Variants in ZDHHC17 observed in about 807,000 individuals in gnomAD.
The protein encoded by ZDHHC17 is zDHHC palmitoyltransferase 17, also known as palmitoyltransferase ZDHHC17.
A neutral mutation model predicts 90.3 loss-of-function variants in ZDHHC17; 40 were observed. That is an observed-to-expected ratio of 0.44 (90% CI 0.34 to 0.58). The LOEUF (loss-of-function observed/expected upper bound fraction) is 0.58. ZDHHC17 is among the 20% of genes least tolerant of loss of function. ZDHHC17 has a pLI of 0.01. For missense variants in ZDHHC17, 614 were observed against 780.8 expected, an observed-to-expected ratio of 0.79 and a Z score of 2.55; for synonymous variants, 235 against 252.4, an observed-to-expected ratio of 0.93 and a Z score of 0.65.
rs1952649426 is a variant in ZDHHC17, at chr12:76,783,397, GA to G, written c.94-14036del. 2.0e-5 allele frequency among the ~76,000 whole-genome samples: 3 copies of G among 152,204 alleles called. No homozygotes were observed. In the South Asian group the frequency reaches 6.2e-4, roughly 31 times the overall value. On this transcript the variant is annotated intron_variant, in intron 1 of 16. Coordinates refer to ENST00000426126, the MANE Select transcript of ZDHHC17 (RefSeq NM_015336.4). ...TCTTACATGGTGGCAGGAAAGAGGAGAGGGGTACGTGAAGGAGGAACTATCA... is the reference window on the plus strand; with the variant it reads ...TCTTACATGGTGGCAGGAAAGAGGAGGGGGTACGTGAAGGAGGAACTATCA...
intron 10 of ZDHHC17, among the ~76,000 whole-genome samples, chr12:76,830,868 C>T (rs1953291456): frequency 8.1e-6 from 1 of 122,776 alleles, no homozygotes; most frequent in Non-Finnish European, 1.7e-5. Context: ...AGTAAAATTT[C>T]ATTTTTTTCC....
intron 1 of ZDHHC17, among the ~76,000 whole-genome samples, chr12:76,780,942 A>G (rs1952616140): frequency 2.0e-5 from 3 of 151,820 alleles, no homozygotes; most frequent in African/African-American, 7.3e-5. Context: ...CCTGGCTAAC[A>G]CAGTGAAACA....
At chr12:76,787,642 G>A (rs201532271) in intron 1 of ZDHHC17, among the ~76,000 whole-genome samples, 1 of 137,146 alleles carries the variant, frequency 7.3e-6, no homozygotes, top group African/African-American at 2.7e-5. Flanking sequence ...CTCTCTCTCT[G>A]TCTCTTGTGT....
intron 9 of ZDHHC17, 90 bp downstream of exon 9, chr12:76,827,140 C>A: frequency 7.6e-7 from 1 of 1,318,002 alleles, no homozygotes; most frequent in Non-Finnish European, 1.0e-6. Flanking sequence ...GTATGTTGTA[C>A]ATTTGATCTT....
At position 76,815,909 on chromosome 12, in the gene ZDHHC17, G is replaced by A. The variant is rs759950035; in HGVS notation, c.661G>A (p.Asp221Asn). The A allele has an allele frequency of 1.3e-6, 2 of 1,578,506 alleles. No homozygotes were observed. The highest frequency in any genetic ancestry group is 1.7e-6 in the Non-Finnish European group (2 of 1,160,724). Residue 221 changes from aspartate to asparagine, a missense_variant, in exon 7 of 17, where the codon GAC (aspartate) becomes AAC (asparagine). This residue lies in a region of ZDHHC17 where 358 missense variants were observed against 380.4 expected (regional missense o/e 0.94). Coordinates refer to ENST00000426126, the MANE Select transcript of ZDHHC17 (RefSeq NM_015336.4). Reference protein sequence around the residue: ...LTFNVSVNLGDKYHKNTALHW... With the variant: ...LTFNVSVNLGNKYHKNTALHW... ...ATTCAATGTTTCAGTTAACCTTGGT[G>A]ACAAGTATCACAAAAACACTGCTCT...
intron 1 of ZDHHC17, among the ~76,000 whole-genome samples, chr12:76,780,020 G>C (rs1488555591): frequency 6.6e-6 from 1 of 151,998 alleles, no homozygotes; most frequent in Non-Finnish European, 1.5e-5. Context: ...GTATTCCTCA[G>C]CCAATACTAC....
At chr12:76,775,676 TC>T (rs1331040029) in intron 1 of ZDHHC17, among the ~76,000 whole-genome samples, 1 of 152,186 alleles carries the variant, frequency 6.6e-6, no homozygotes, top group Non-Finnish European at 1.5e-5. Flanking sequence ...ATCAATAGCA[TC>T]TTTTGATTTT....
intron 5 of ZDHHC17, among the ~76,000 whole-genome samples, chr12:76,814,570 A>G (rs1953061992): frequency 6.6e-6 from 1 of 151,930 alleles, no homozygotes. Context: ...CAATTCAAAC[A>G]TCTTATTTAA....
At chr12:76,790,501 CTAAA>C (rs1952748252) in intron 1 of ZDHHC17, among the ~76,000 whole-genome samples, 1 of 151,912 alleles carries the variant, frequency 6.6e-6, no homozygotes, top group Non-Finnish European at 1.5e-5. Context: ...GACTCTGTCT[CTAAA>C]TAAATAAATA....
Position 76,813,677 on chromosome 12 carries a change from A to G in ZDHHC17, c.544-1469A>G, listed in dbSNP as rs144291171. 5.8e-3 allele frequency among the ~76,000 whole-genome samples: 882 copies of G among 152,200 alleles called. 10 individuals are homozygous for G. The highest frequency in any genetic ancestry group is 0.021 in the African/African-American group (859 of 41,548). ...TGGTGAATTAGGTAACACAACTTGG[A>G]TTAGAACTGCTTGCTTAATGTAATT... On this transcript the variant is annotated intron_variant, in intron 5 of 16. Coordinates refer to ENST00000426126, the MANE Select transcript of ZDHHC17 (RefSeq NM_015336.4).
intron 6 of ZDHHC17, 49 bp downstream of exon 6, chr12:76,815,259 A>C: frequency 7.7e-7 from 1 of 1,302,372 alleles, no homozygotes; most frequent in Non-Finnish European, 1.1e-6. Flanking sequence ...AGCATAATAC[A>C]ATATGAAGTA....
intron 8 of ZDHHC17, among the ~76,000 whole-genome samples, chr12:76,823,294 T>C (rs1178931764): frequency 1.3e-5 from 2 of 152,246 alleles, no homozygotes; most frequent in Non-Finnish European, 2.9e-5. Context: ...TTTTGTGATA[T>C]GTTGTATACC....
intron 10 of ZDHHC17, among the ~76,000 whole-genome samples, chr12:76,828,837 CAT>C (rs1953261995): frequency 6.6e-6 from 1 of 151,910 alleles, no homozygotes. Context: ...TCAGGGGTTA[CAT>C]GTGAAGGTTT....
At chr12:76,784,655 T>TA (rs1395012900) in intron 1 of ZDHHC17, among the ~76,000 whole-genome samples, 1 of 152,214 alleles carries the variant, frequency 6.6e-6, no homozygotes, top group African/African-American at 2.4e-5. Flanking sequence ...ACTGAAAAAT[T>TA]AAAGTTGAGC....
In ZDHHC17 at chr12:76,788,435, G is replaced by A. The variant is rs535722149; in HGVS notation, c.94-8999G>A. Among the ~76,000 whole-genome samples, 3 of 152,130 alleles carry A rather than the reference G, an allele frequency of 2.0e-5. No homozygotes were observed. In the East Asian group the frequency reaches 5.8e-4, roughly 29 times the overall value. On this transcript the variant is annotated intron_variant, in intron 1 of 16. Coordinates refer to ENST00000426126, the MANE Select transcript of ZDHHC17 (RefSeq NM_015336.4). The stretch of plus-strand genomic sequence containing the variant: ...AAATATAAAAATGAAAACCAAAAAA[G>A]CACAAGGAAAAGATTAATACATGTG...
intron 6 of ZDHHC17, 28 bp from the exon 7 acceptor site, chr12:76,815,829 G>GTTTTTTTTTT: frequency 7.2e-7 from 1 of 1,385,622 alleles, no homozygotes; most frequent in East Asian, 2.6e-5. Flanking sequence ...TGTTGTTGTT[G>GTTTTTTTTTT]TTTGTTTTTT....
At position 76,842,947 on chromosome 12, in the gene ZDHHC17, G is replaced by A; in HGVS notation, c.1295G>A (p.Ser432Asn). ...KTIVELAETG[S>N]LDLSIFCSTC... ...ATAGTTGAACTTGCAGAGACAGGAA[G>A]TCTGGACCTCAGTATATTCTGCAGT... Residue 432 changes from serine (S) to asparagine (N), a missense_variant, in exon 12 of 17, where the codon AGT becomes AAT. Physicochemically the swap from Ser to Asn is conservative, Grantham distance 46. Transcript: ENST00000426126. 1 of 1,611,288 alleles carries A rather than the reference G, an allele frequency of 6.2e-7. No homozygotes were observed. The highest frequency in any genetic ancestry group is 1.1e-5 in the South Asian group (1 of 90,794).
At chr12:76,797,080 T>C (rs1029719230) in intron 1 of ZDHHC17, among the ~76,000 whole-genome samples, 2 of 151,928 alleles carry the variant, frequency 1.3e-5, no homozygotes, top group African/African-American at 2.4e-5. Context: ...CTGGCTAACA[T>C]GGTGAAACCC....
intron 7 of ZDHHC17, among the ~76,000 whole-genome samples, chr12:76,820,355 A>G (rs572353865): frequency 2.2e-4 from 33 of 152,318 alleles, no homozygotes; most frequent in African/African-American, 7.7e-4. Context: ...AAAACAAAAC[A>G]CAATTATGGC....
Sources: allele counts gnomAD v4.1 joint callset (sites outside exome capture counted in the v4.1 genomes callset), GRCh38; gene constraint gnomAD v4.1.1; regional missense constraint gnomAD v4.1.1; transcripts MANE v1.5; gene names NCBI Gene and HGNC (gene_info 2026-07-23, HGNC 2026-07-21).